Variants in ABR observed in about 807,000 individuals in gnomAD.
The protein encoded by ABR is active breakpoint cluster region-related protein.
ABR carries 35 observed loss-of-function variants against 107.2 expected under a neutral mutation model. The observed-to-expected ratio is 0.33, with a 90% CI of 0.25 to 0.43. The LOEUF (loss-of-function observed/expected upper bound fraction) is 0.43. Ranked by LOEUF, ABR falls within the 20% of genes least tolerant of loss-of-function variation. The pLI is 1.00. For missense variants in ABR, 815 were observed against 1,115.2 expected, an observed-to-expected ratio of 0.73 and a Z score of 3.83; for synonymous variants, 498 against 462.0, an observed-to-expected ratio of 1.08 and a Z score of -1.00.
intron 1 of ABR, among the ~76,000 whole-genome samples, chr17:1,145,691 A>G (rs1313891003): frequency 6.6e-6 from 1 of 152,240 alleles, no homozygotes; most frequent in East Asian, 1.9e-4. Flanking sequence ...TGCCAGGTCC[A>G]GAGAGGCCAG....
intron 16 of ABR, among the ~76,000 whole-genome samples, chr17:1,024,783 C>CA (rs57876178): frequency 0.037 from 3,401 of 92,714 alleles, 231 homozygotes; most frequent in African/African-American, 0.13. Flanking sequence ...GAGACTCCCA[C>CA]AAAAAAAAAA....
In ABR at chr17:1,091,562, C is replaced by T. The variant is rs1308328522; in HGVS notation, c.531+103G>A. ...CGGACTCGGAGAGGTCTCAGGCCTT[C>T]AAGGAGTCCGAGAGGGCTGCCCGGT... is the stretch of plus-strand genomic sequence containing the variant. On this transcript the variant is annotated intron_variant, in intron 4 of 22. Coordinates refer to ENST00000302538, the MANE Select transcript of ABR (RefSeq NM_021962.5). 6.7e-6 allele frequency: 9 copies of T among 1,346,600 alleles called. No individual in the cohort carries two copies. The African/African-American group carries it at 1.2e-4, about 18-fold the overall frequency. The allele number at this position is 1,346,600 out of a possible 1,614,324, so 83.4% of individuals were successfully genotyped here.
rs539198231 is a variant in ABR, at chr17:1,105,381, TAATATATATTAA to T, written c.247-4658_247-4647del. Among the ~76,000 whole-genome samples, 33 of 152,300 alleles carry T rather than the reference TAATATATATTAA, an allele frequency of 2.2e-4. No homozygotes were observed. The East Asian group carries it at 3.5e-3, about 16-fold the overall frequency. On this transcript the variant is annotated intron_variant, in intron 2 of 22. Transcript: ENST00000302538. ...AAAAATGTACAGGTCATATTTTTTC[TAATATATATTAA>T]AATATATACTTAACCATTAAAATGC...
At chr17:1,014,172 C>G (rs902170463) in intron 16 of ABR, among the ~76,000 whole-genome samples, 1 of 152,174 alleles carries the variant, frequency 6.6e-6, no homozygotes, top group East Asian at 1.9e-4. Context: ...CCAGGCGTGG[C>G]GGCTCACGCC....
In ABR at chr17:1,200,208, T is replaced by C. The variant is rs945176322; in HGVS notation, c.838+28585A>G. 1.3e-5 allele frequency among the ~76,000 whole-genome samples: 2 copies of C among 151,604 alleles called. No individual in the cohort carries two copies. The highest frequency in any genetic ancestry group is 2.9e-5 in the Non-Finnish European group (2 of 67,922). On this transcript the variant is annotated intron_variant, in intron 1 of 22. Transcript: ENST00000574139. The surrounding 1 kb of genome is among the most constrained non-coding windows in gnomAD (Gnocchi z 4.1). ...AATACAGCATAACAACCACATAGCA[T>C]TTGCAATGTATTAGGTATTAAAAAT...
intron 16 of ABR, among the ~76,000 whole-genome samples, chr17:1,018,250 G>A (rs961462275): frequency 1.3e-5 from 2 of 151,246 alleles, no homozygotes; most frequent in South Asian, 2.1e-4. Context: ...CACCGTGTTA[G>A]CCAGGATGGT....
At chr17:1,015,085 A>G (rs1009615221) in intron 16 of ABR, among the ~76,000 whole-genome samples, 1 of 152,116 alleles carries the variant, frequency 6.6e-6, no homozygotes, top group African/African-American at 2.4e-5. Context: ...TATTCAAAAT[A>G]TATTCAGGAT....
rs570773453 is a variant in ABR at position 1,073,053 on chromosome 17, G to A, written c.754-299C>T. 5.9e-5 allele frequency among the ~76,000 whole-genome samples: 9 copies of A among 151,992 alleles called. No individual in the cohort carries two copies. In the South Asian group the frequency reaches 1.0e-3, roughly 18 times the overall value. ...AAATTAGCTGGGCGTGGTGGCGGGC[G>A]CCTGTAGTCCCAGCTACTCGGGAGG... On this transcript the variant is annotated intron_variant, in intron 7 of 22. Transcript: ENST00000302538.
intron 5 of ABR, among the ~76,000 whole-genome samples, chr17:1,079,652 G>A (rs2036051982): frequency 6.6e-6 from 1 of 151,840 alleles, no homozygotes; most frequent in South Asian, 2.1e-4. Context: ...AGCCAGGTGT[G>A]GTGTCAGGTG....
intron 16 of ABR, among the ~76,000 whole-genome samples, chr17:1,046,439 T>G (rs2031631084): frequency 6.6e-6 from 1 of 152,026 alleles, no homozygotes; most frequent in Non-Finnish European, 1.5e-5. Flanking sequence ...CCTGGCTAAT[T>G]TTTGTATTTT....
chr17:1,057,011 G>A lies in ABR; in HGVS notation c.1473C>T (p.Thr491=). 1.2e-6 allele frequency: 2 copies of A among 1,607,984 alleles called. No individual in the cohort carries two copies. Among genetic ancestry groups the A allele is most frequent in the Non-Finnish European group, 1.7e-6 (2 of 1,175,138 alleles). ...TCCCGAGCTTACCGTCTTTATTGCT[G>A]GTGACAGGAATGTTGTGTACAGTCC... ...KLRTVHNIPV[T]SNKDDDESPG... The change falls in exon 13 of 23, where the codon ACC becomes ACT. Residue 491 remains threonine (T), a synonymous_variant. Transcript: ENST00000302538.
intron 1 of ABR, among the ~76,000 whole-genome samples, chr17:1,196,629 C>T (rs916425199): frequency 1.3e-5 from 2 of 150,570 alleles, no homozygotes; most frequent in Non-Finnish European, 2.9e-5. Flanking sequence ...CCTGTCAGTG[C>T]TCTGAACAAG....
chr17:1,178,966 G>A (rs995599051), intron 1 of ABR, among the ~76,000 whole-genome samples: 1 of 151,670 alleles, frequency 6.6e-6, no homozygotes, highest in Non-Finnish European at 1.5e-5. Context: ...GATCCAGAGA[G>A]ATTTGGGAGC....
chr17:1,044,471 G>A lies in ABR; in HGVS notation c.1791+5579C>T, dbSNP rs568117066. ...TTGAGACCAGCCTGGTCAACATGGT[G>A]AAACCCTGTCTCTACTACTACTAAT... is the stretch of plus-strand genomic sequence containing the variant. On this transcript the variant is annotated intron_variant, in intron 16 of 22. Transcript: ENST00000302538. Among the ~76,000 whole-genome samples the A allele has an allele frequency of 1.1e-4, 17 of 152,226 alleles. No individual in the cohort carries two copies. In the East Asian group the frequency reaches 3.1e-3, roughly 28 times the overall value.
intron 1 of ABR, 119 bp from the exon 2 acceptor site, chr17:1,125,486 G>A (rs778674196): frequency 1.6e-5 from 19 of 1,163,172 alleles, no homozygotes; most frequent in African/African-American, 3.1e-5. Context: ...CACCATCCAC[G>A]CCTGGCCCGG....
chr17:1,180,897 G>A (rs1313013225), upstream of ABR, among the ~76,000 whole-genome samples: 1 of 152,218 alleles, frequency 6.6e-6, no homozygotes, highest in African/African-American at 2.4e-5. Flanking sequence ...GAGCAGGGAA[G>A]GACAGGAGGG....
intron 2 of ABR, among the ~76,000 whole-genome samples, chr17:1,101,736 T>C (rs1470116978): frequency 1.4e-5 from 2 of 145,876 alleles, no homozygotes. Flanking sequence ...TATTTTTTCT[T>C]TTTTTTTTTT....
At chr17:1,221,596 C>T (rs918513819) in intron 1 of ABR, among the ~76,000 whole-genome samples, 2 of 152,180 alleles carry the variant, frequency 1.3e-5, no homozygotes, top group Admixed American at 1.3e-4. Context: ...AAACCCCTAT[C>T]GACCAATCCC....
chr17:1,082,765 A>G (rs1447085901), intron 5 of ABR, among the ~76,000 whole-genome samples: 2 of 152,162 alleles, frequency 1.3e-5, no homozygotes, highest in African/African-American at 4.8e-5. Flanking sequence ...TCTGAATCAG[A>G]AGCTCCGGGG....
Sources: gnomAD v4.1 joint callset for allele counts (sites outside exome capture counted in the v4.1 genomes callset) on GRCh38, gnomAD v4.1.1 for gene constraint, Gnocchi (gnomAD v3.1) non-coding constraint, MANE v1.5 for transcripts, NCBI Gene and HGNC (gene_info 2026-07-23, HGNC 2026-07-21) for gene names.